Variants in VOPP1 observed in about 807,000 individuals in gnomAD.
The protein encoded by VOPP1 is WW domain binding protein VOPP1.
A neutral mutation model predicts 23.5 loss-of-function variants in VOPP1; 8 were observed. The observed-to-expected ratio is 0.34, with a 90% CI of 0.20 to 0.61. The LOEUF is 0.61. VOPP1 is among the 20% of genes least tolerant of loss of function. The pLI, the probability that VOPP1 is intolerant of heterozygous loss-of-function variation, is 0.78. For missense variants in VOPP1, 174 were observed against 238.1 expected (o/e 0.73, Z 1.77); for synonymous variants, 83 against 97.3 (o/e 0.85, Z 0.86).
chr7:55,499,539 G>C (rs1470879014), intron 2 of VOPP1, among the ~76,000 whole-genome samples: 1 of 152,200 alleles, frequency 6.6e-6, no homozygotes, highest in Non-Finnish European at 1.5e-5. Context: ...TCTCTAGAAG[G>C]GGGAGAAAAT....
chr7:55,557,376 G>A (rs1010694870), intron 1 of VOPP1, among the ~76,000 whole-genome samples: 3 of 151,762 alleles, frequency 2.0e-5, no homozygotes, highest in African/African-American at 4.8e-5. Flanking sequence ...CACCTGCTAA[G>A]TGCTGGTTAT....
At chr7:55,492,492 C>T (rs1793654145) in intron 3 of VOPP1, 74 bp from the exon 4 acceptor site, 3 of 1,494,030 alleles carry the variant, frequency 2.0e-6, no homozygotes, top group Non-Finnish European at 2.7e-6. Context: ...AGCTCAAAGG[C>T]CTCATGCACT....
intron 1 of VOPP1, among the ~76,000 whole-genome samples, chr7:55,542,702 A>C (rs1230774880): frequency 6.6e-6 from 1 of 152,062 alleles, no homozygotes; most frequent in African/African-American, 2.4e-5. Flanking sequence ...AGGCAGGAGA[A>C]TCACTTGAAC....
rs1216744765 is a variant in VOPP1, at chr7:55,471,759, T to C, written c.*1096A>G. 6.6e-6 allele frequency: 1 copy of C among 151,708 alleles called. No homozygotes were observed. The highest frequency in any genetic ancestry group is 1.5e-5 in the Non-Finnish European group (1 of 67,958). The allele number at this position is 151,708 out of a possible 1,614,324, so 9.4% of individuals were successfully genotyped here. On this transcript the variant is annotated 3_prime_UTR_variant, in exon 5 of 5. Coordinates refer to ENST00000285279, the MANE Select transcript of VOPP1 (RefSeq NM_030796.5). ...AACATGGTCAGTGCAGTTGAGTCAG[T>C]ACTTCTCCTGTCTTTTCCCAGCAAG... is the stretch of plus-strand genomic sequence containing the variant.
chr7:55,435,313 A>G (rs1188982354), downstream of VOPP1, among the ~76,000 whole-genome samples: 2 of 152,128 alleles, frequency 1.3e-5, no homozygotes, highest in African/African-American at 4.8e-5. Flanking sequence ...GGGGGTAAAG[A>G]AGTGTGTGTG....
chr7:55,447,983 CATT>C (rs1374834610), intron 4 of VOPP1, among the ~76,000 whole-genome samples: 1 of 152,034 alleles, frequency 6.6e-6, no homozygotes, highest in Admixed American at 6.6e-5. Flanking sequence ...ATTAAAAAAC[CATT>C]ATTCATTATC....
intron 1 of VOPP1, chr7:55,539,442 A>C (rs1797009348): frequency 6.6e-6 from 1 of 152,246 alleles, no homozygotes; most frequent in Admixed American, 6.5e-5. Flanking sequence ...AGATCAACAC[A>C]TGAAATCCCC....
intron 2 of VOPP1, among the ~76,000 whole-genome samples, chr7:55,509,054 CA>C (rs1794909406): frequency 6.6e-6 from 1 of 152,050 alleles, no homozygotes; most frequent in Non-Finnish European, 1.5e-5. Flanking sequence ...AATTTATTAT[CA>C]ATTTTAATTT....
intron 1 of VOPP1, among the ~76,000 whole-genome samples, chr7:55,566,518 T>C (rs1798169047): frequency 1.3e-5 from 2 of 152,144 alleles, no homozygotes; most frequent in African/African-American, 2.4e-5. Context: ...GCCGAGATCA[T>C]GCCACTGCAC....
chr7:55,453,856 C>T (rs769649970), intron 4 of VOPP1, among the ~76,000 whole-genome samples: 25 of 151,980 alleles, frequency 1.6e-4, no homozygotes, highest in African/African-American at 4.8e-4. Context: ...AGCAATAAAG[C>T]GAAGTACAAT....
At chr7:55,516,064 G>GGGGTT (rs2129037926) in intron 2 of VOPP1, 1 of 977,612 alleles carries the variant, frequency 1.0e-6, no homozygotes, top group South Asian at 4.7e-5. Flanking sequence ...GCAAGCCAAG[G>GGGGTT]GGCGGGAGCT....
downstream of VOPP1, among the ~76,000 whole-genome samples, chr7:55,469,729 C>G (rs565233034): frequency 6.6e-6 from 1 of 152,202 alleles, no homozygotes; most frequent in Non-Finnish European, 1.5e-5. Flanking sequence ...GTATGGCCTA[C>G]TAATTTGGGG....
intron 1 of VOPP1, among the ~76,000 whole-genome samples, chr7:55,548,887 T>C (rs958372334): frequency 2.0e-5 from 3 of 152,206 alleles, no homozygotes; most frequent in African/African-American, 7.2e-5. Flanking sequence ...GATCCCAGCA[T>C]TTCCCAAACC....
intron 4 of VOPP1, among the ~76,000 whole-genome samples, chr7:55,474,212 C>T (rs1200943606): frequency 6.6e-6 from 1 of 152,210 alleles, no homozygotes. Flanking sequence ...GCCGTGTGGT[C>T]CCACAGATGC....
chr7:55,508,751 AAC>A (rs1176456719), intron 2 of VOPP1, among the ~76,000 whole-genome samples: 1 of 150,528 alleles, frequency 6.6e-6, no homozygotes, highest in African/African-American at 2.5e-5. Flanking sequence ...CTCTTTCAGA[AAC>A]AGTTATTACC....
At position 55,530,514 on chromosome 7, in the gene VOPP1, T is replaced by C. The variant is rs190524756; in HGVS notation, c.55-9384A>G. Reference sequence around the variant, plus strand: ...CAAACTAAGGTCTCGAAGAGGTGAATTGACTTGCAAAGGTGACACAGGAGC... The same window carrying C: ...CAAACTAAGGTCTCGAAGAGGTGAACTGACTTGCAAAGGTGACACAGGAGC... On this transcript the variant is annotated intron_variant, in intron 1 of 4. Coordinates refer to ENST00000285279, the MANE Select transcript of VOPP1 (RefSeq NM_030796.5). Among the ~76,000 whole-genome samples, 53 of 152,244 alleles carry C rather than the reference T, an allele frequency of 3.5e-4. 1 individual carries two copies. Among genetic ancestry groups the C allele is most frequent in the African/African-American group, 1.1e-3 (44 of 41,530 alleles).
At chr7:55,452,212 A>G (rs892795258) in intron 4 of VOPP1, among the ~76,000 whole-genome samples, 2 of 152,238 alleles carry the variant, frequency 1.3e-5, no homozygotes, top group African/African-American at 4.8e-5. Flanking sequence ...TTCTTCACTC[A>G]TCCATAGGAA....
rs138314702 is a variant in VOPP1, at chr7:55,479,624, G to A, written c.329-6579C>T. Among the ~76,000 whole-genome samples the A allele has an allele frequency of 2.3e-3, 356 of 152,216 alleles. 3 individuals carry two copies. The highest frequency in any genetic ancestry group is 8.2e-3 in the African/African-American group (339 of 41,526). ...TTTCATTTTAGCCAGAAATTTTAGA[G>A]CAATATTAAATATTATTAAATATCA... On this transcript the variant is annotated intron_variant, in intron 4 of 4. Transcript: ENST00000285279.
downstream of VOPP1, among the ~76,000 whole-genome samples, chr7:55,469,644 C>T (rs1021502326): frequency 5.9e-5 from 9 of 152,176 alleles, no homozygotes; most frequent in Non-Finnish European, 1.0e-4. Context: ...CCTTTCAGGG[C>T]AGCTGTCCTC....
Sources: allele counts gnomAD v4.1 joint callset (sites outside exome capture counted in the v4.1 genomes callset), GRCh38; gene constraint gnomAD v4.1.1; transcripts MANE v1.5; gene names NCBI Gene and HGNC (gene_info 2026-07-23, HGNC 2026-07-21).